Variants in AKT3 observed in about 807,000 individuals in gnomAD.
AKT3 encodes AKT serine/threonine kinase 3, also known as RAC-gamma serine/threonine-protein kinase.
A neutral mutation model predicts 65.3 loss-of-function variants in AKT3; 15 were observed. The observed-to-expected ratio is 0.23, with a 90% CI of 0.15 to 0.35. The LOEUF is 0.35. AKT3 is among the 10% of genes least tolerant of loss of function. The pLI is 1.00. For synonymous variants in AKT3, 206 were observed against 183.8 expected (o/e 1.12, Z -0.98); for missense variants, 243 against 576.5 (o/e 0.42, Z 5.92).
chr1:243,495,352 G>C (rs1667546651), downstream of AKT3, among the ~76,000 whole-genome samples: 2 of 152,222 alleles, frequency 1.3e-5, no homozygotes, highest in Non-Finnish European at 2.9e-5. Context: ...CCATTCCTCT[G>C]GTTTCTGCGG....
At chr1:243,760,282 C>T (rs374389848) in intron 2 of AKT3, among the ~76,000 whole-genome samples, 35 of 80,904 alleles carry the variant, frequency 4.3e-4, no homozygotes, top group South Asian at 1.1e-3. Context: ...CTATATCTGG[C>T]TTTTTTTTTT....
At position 243,514,981 on chromosome 1, in the gene AKT3, A is replaced by G. The variant is rs114630056; in HGVS notation, c.1252-2555T>C. On this transcript the variant is annotated intron_variant, in intron 12 of 13. Coordinates refer to ENST00000673466, the MANE Select transcript of AKT3 (RefSeq NM_005465.7). The stretch of plus-strand genomic sequence containing the variant: ...TCCATCCTCCCATCCCCTGCAGGCC[A>G]TGACTGACATACTTTCTGCCATGAC... 5.0e-3 allele frequency among the ~76,000 whole-genome samples: 764 copies of G among 152,310 alleles called. 8 individuals carry two copies. Among genetic ancestry groups the G allele is most frequent in the African/African-American group, 0.018 (731 of 41,566 alleles).
chr1:243,734,331 TA>T (rs1459603532), intron 2 of AKT3, among the ~76,000 whole-genome samples: 3 of 152,240 alleles, frequency 2.0e-5, no homozygotes, highest in Non-Finnish European at 4.4e-5. Flanking sequence ...CAGGTCACAT[TA>T]CTCCATTACA....
intron 13 of AKT3, among the ~76,000 whole-genome samples, chr1:243,492,311 T>TTTC (rs1184850868): frequency 3.9e-5 from 5 of 129,192 alleles, no homozygotes; most frequent in Non-Finnish European, 6.6e-5. Flanking sequence ...TTTTTTTTTT[T>TTTC]TTTTTTTTGA....
chr1:243,617,833 G>T (rs978062907), intron 6 of AKT3, among the ~76,000 whole-genome samples: 1 of 152,112 alleles, frequency 6.6e-6, no homozygotes, highest in African/African-American at 2.4e-5. Context: ...AAAGAAAAAG[G>T]GGATAGTTCT....
At chr1:243,720,609 GA>G (rs1244751474) in intron 2 of AKT3, among the ~76,000 whole-genome samples, 2 of 151,922 alleles carry the variant, frequency 1.3e-5, no homozygotes, top group African/African-American at 4.8e-5. Context: ...TAAAAGATGT[GA>G]GGAGAAAAAA....
intron 12 of AKT3, among the ~76,000 whole-genome samples, chr1:243,541,282 T>A (rs1196357112): frequency 6.6e-6 from 1 of 152,184 alleles, no homozygotes; most frequent in East Asian, 1.9e-4. Flanking sequence ...ATTTAGACAA[T>A]CAATCACTTA....
Position 243,500,313 on chromosome 1 carries a change from A to G in AKT3, c.*4936T>C, listed in dbSNP as rs967829510. ...GTCCTACTTTGTGCACAATCAATCA[A>G]TCAGGAGACACCAGGAAGCACTATG... is the stretch of plus-strand genomic sequence containing the variant. On this transcript the variant is annotated 3_prime_UTR_variant, in exon 14 of 14. Transcript: ENST00000673466. 4.8e-6 allele frequency: 1 copy of G among 210,108 alleles called. No homozygotes were observed. The highest frequency in any genetic ancestry group is 9.3e-6 in the Non-Finnish European group (1 of 107,738). 13.0% of individuals were successfully genotyped at this position (210,108 alleles called of 1,614,324 possible). A position where few individuals can be genotyped will look rare whatever the true frequency, so the allele number is the denominator to read the frequency against.
At chr1:243,841,464 G>T (rs770031013) in intron 2 of AKT3, among the ~76,000 whole-genome samples, 1 of 151,968 alleles carries the variant, frequency 6.6e-6, no homozygotes, top group South Asian at 2.1e-4. Context: ...ATATAAATAC[G>T]TTTAAAAAGT....
At chr1:243,754,579 C>A (rs1689006929) in intron 2 of AKT3, among the ~76,000 whole-genome samples, 1 of 152,106 alleles carries the variant, frequency 6.6e-6, no homozygotes, top group African/African-American at 2.4e-5. Context: ...AGCAGGTGAG[C>A]GAGCATTACC....
At chr1:243,746,929 A>T (rs1355005173) in intron 2 of AKT3, among the ~76,000 whole-genome samples, 1 of 152,086 alleles carries the variant, frequency 6.6e-6, no homozygotes, top group African/African-American at 2.4e-5. Flanking sequence ...GAAAGGAACA[A>T]CTGCAAGCTG....
At position 243,613,613 on chromosome 1, in the gene AKT3, T is replaced by C. The variant is rs944869810; in HGVS notation, c.696+58A>G. The C allele has an allele frequency of 9.3e-6, 12 of 1,296,702 alleles. 1 individual carries two copies. The Admixed American group carries it at 2.5e-4, about 27-fold the overall frequency. 80.3% of individuals were successfully genotyped at this position (1,296,702 alleles called of 1,614,324 possible). On this transcript the variant is annotated intron_variant, in intron 8 of 13. Coordinates refer to ENST00000673466, the MANE Select transcript of AKT3 (RefSeq NM_005465.7). ...ATATTGTAACTTGTATTTTAAGTAATGTTTTTAAAATAATGAAAATACTAC... is the reference window on the plus strand; with the variant it reads ...ATATTGTAACTTGTATTTTAAGTAACGTTTTTAAAATAATGAAAATACTAC...
At chr1:243,765,289 A>AT (rs911504362) in intron 2 of AKT3, among the ~76,000 whole-genome samples, 1 of 152,136 alleles carries the variant, frequency 6.6e-6, no homozygotes, top group African/African-American at 2.4e-5. Flanking sequence ...GAAGTGACTA[A>AT]GAAGAGAATT....
At chr1:243,667,866 A>G (rs1682905668) in intron 3 of AKT3, among the ~76,000 whole-genome samples, 1 of 151,442 alleles carries the variant, frequency 6.6e-6, no homozygotes. Context: ...GCATTTCCTC[A>G]ACAATGCACT....
At chr1:243,570,923 T>C (rs1168259738) in intron 9 of AKT3, among the ~76,000 whole-genome samples, 1 of 152,240 alleles carries the variant, frequency 6.6e-6, no homozygotes, top group Non-Finnish European at 1.5e-5. Flanking sequence ...TTGACTGATA[T>C]TCATATATAA....
At chr1:243,799,767 G>C (rs1171511471) in intron 2 of AKT3, among the ~76,000 whole-genome samples, 1 of 151,978 alleles carries the variant, frequency 6.6e-6, no homozygotes, top group East Asian at 1.9e-4. Context: ...TGTTACTTAA[G>C]AAAAAATAAA....
At chr1:243,819,200 G>A (rs1693711136) in intron 2 of AKT3, among the ~76,000 whole-genome samples, 1 of 152,238 alleles carries the variant, frequency 6.6e-6, no homozygotes, top group African/African-American at 2.4e-5. Context: ...AAGCTCCCCA[G>A]GGAAGGGAGA....
chr1:243,713,742 T>G (rs2148083573), intron 2 of AKT3, among the ~76,000 whole-genome samples: 1 of 72,960 alleles, frequency 1.4e-5, no homozygotes, highest in African/African-American at 5.5e-5. Context: ...CTGCTTTGCC[T>G]TAATAAAAAA....
rs2148335238 is a variant in AKT3 at position 243,500,822 on chromosome 1, T to G, written c.*4427A>C. On this transcript the variant is annotated 3_prime_UTR_variant, in exon 14 of 14. Transcript: ENST00000673466. ...AGACCATTTGAATCTCTTGAGCATG[T>G]AAAAGGTTCAAGCCTGAAACAGTAG... The G allele has an allele frequency of 4.4e-6, 1 of 229,180 alleles. No homozygotes were observed. The highest frequency in any genetic ancestry group is 6.3e-5 in the East Asian group (1 of 15,940). The allele number at this position is 229,180 out of a possible 1,614,324, so 14.2% of individuals were successfully genotyped here. A position where few individuals can be genotyped will look rare whatever the true frequency, so the allele number is the denominator to read the frequency against.
Sources: gnomAD v4.1 joint callset for allele counts (sites outside exome capture counted in the v4.1 genomes callset) on GRCh38, gnomAD v4.1.1 for gene constraint, MANE v1.5 for transcripts, NCBI Gene and HGNC (gene_info 2026-07-23, HGNC 2026-07-21) for gene names.